Variants in VWC2 observed in about 807,000 individuals in gnomAD.
VWC2 encodes the protein brorin.
In VWC2, 14 loss-of-function variants were observed where a neutral mutation model predicts 29.8. The observed-to-expected ratio is 0.47, with a 90% CI of 0.31 to 0.74. The LOEUF (loss-of-function observed/expected upper bound fraction) is 0.74, where lower values mean the gene tolerates loss of function less well. VWC2 is among the 30% of genes least tolerant of loss of function. The probability of loss-of-function intolerance (pLI) is 0.05; values close to 1 mark genes in which losing one functional copy is unlikely to be tolerated. For synonymous variants in VWC2, 213 were observed against 199.0 expected (o/e 1.07, Z -0.59); for missense variants, 457 against 459.8 (o/e 0.99, Z 0.05).
Position 49,877,481 on chromosome 7 carries a change from A to AAAAATATACAT in VWC2, c.827-34552_827-34551insAAATATACATA. Among the ~76,000 whole-genome samples, 26 of 12,730 alleles carry AAAAATATACAT rather than the reference A, an allele frequency of 2.0e-3. 6 individuals carry two copies. Among genetic ancestry groups the AAAAATATACAT allele is most frequent in the Non-Finnish European group, 3.3e-3 (23 of 6,950 alleles). The allele number at this position is 12,730 out of a possible 152,430, so 8.4% of individuals were successfully genotyped here. ...CTGTCTCAAAAAAAAAAAAAAAAAA[A>AAAAATATACAT]ATATATATATATATATATATATATA... On this transcript the variant is annotated intron_variant, in intron 3 of 3. Transcript: ENST00000340652.
intron 3 of VWC2, among the ~76,000 whole-genome samples, chr7:49,842,647 T>A (rs916689333): frequency 2.6e-5 from 4 of 152,206 alleles, no homozygotes; most frequent in Admixed American, 6.5e-5. Flanking sequence ...ACTTGCAGAA[T>A]AATTGTCTTT....
At chr7:49,865,177 G>C (rs1462065719) in intron 3 of VWC2, among the ~76,000 whole-genome samples, 1 of 152,196 alleles carries the variant, frequency 6.6e-6, no homozygotes, top group Non-Finnish European at 1.5e-5. Context: ...AGGAAGAGGA[G>C]GAAGAGAATG....
intron 3 of VWC2, among the ~76,000 whole-genome samples, chr7:49,881,357 C>CA (rs1378379004): frequency 6.6e-6 from 1 of 151,984 alleles, no homozygotes; most frequent in East Asian, 1.9e-4. Context: ...TTGAGAAATT[C>CA]AAAAAAACAG....
In VWC2 at chr7:49,774,098, C is replaced by T. The variant is rs558754273; in HGVS notation, c.-119C>T. ...CCCGCTGCGAGCCCGGCGTCCGGCC[C>T]GCGCCCTGCGCTCATGTATGTAGGT... On this transcript the variant is annotated 5_prime_UTR_variant, in exon 1 of 4. Coordinates refer to ENST00000340652, the MANE Select transcript of VWC2 (RefSeq NM_198570.5). 1 of 152,278 alleles carries T rather than the reference C, an allele frequency of 6.6e-6. No individual in the cohort carries two copies. Among genetic ancestry groups the T allele is most frequent in the South Asian group, 2.1e-4 (1 of 4,834 alleles). 9.4% of individuals were successfully genotyped at this position (152,278 alleles called of 1,614,324 possible). A position where few individuals can be genotyped will look rare whatever the true frequency, so the allele number is the denominator to read the frequency against.
At chr7:49,875,675 C>A (rs1791388215) in intron 3 of VWC2, among the ~76,000 whole-genome samples, 1 of 152,048 alleles carries the variant, frequency 6.6e-6, no homozygotes, top group African/African-American at 2.4e-5. Flanking sequence ...TCTCACTTTC[C>A]TCCTCTTTGC....
chr7:49,910,705 G>T lies in VWC2; in HGVS notation c.827-1329G>T, dbSNP rs182305692. On this transcript the variant is annotated intron_variant, in intron 3 of 3. Coordinates refer to ENST00000340652, the MANE Select transcript of VWC2 (RefSeq NM_198570.5). ...AAGTGCAGATGTGACACATTTGTTG[G>T]CTGATATATTATAGCTGATATAGAA... Among the ~76,000 whole-genome samples the T allele has an allele frequency of 9.7e-4, 148 of 152,264 alleles. 1 individual carries two copies. The East Asian group carries it at 0.023, about 24-fold the overall frequency.
chr7:49,872,616 G>A (rs1048636703), intron 3 of VWC2, among the ~76,000 whole-genome samples: 1 of 151,702 alleles, frequency 6.6e-6, no homozygotes, highest in Admixed American at 6.6e-5. Flanking sequence ...ATGAAGATCA[G>A]AATTTGGGGC....
At chr7:49,897,524 G>A (rs1032932014) in intron 3 of VWC2, among the ~76,000 whole-genome samples, 8 of 152,196 alleles carry the variant, frequency 5.3e-5, no homozygotes, top group Non-Finnish European at 1.2e-4. Flanking sequence ...AGTCTGGCAT[G>A]TAGAAGCTTG....
chr7:49,789,363 G>A (rs887699842), intron 2 of VWC2, among the ~76,000 whole-genome samples: 4 of 151,806 alleles, frequency 2.6e-5, no homozygotes, highest in Non-Finnish European at 4.4e-5. Context: ...CTGTGTGTGT[G>A]TGTGAGTGTG....
chr7:49,823,605 G>A (rs1052065134), intron 3 of VWC2, among the ~76,000 whole-genome samples: 5 of 152,290 alleles, frequency 3.3e-5, no homozygotes, highest in East Asian at 1.9e-4. Context: ...AGTTGGGTAT[G>A]TGTTTATTAT....
At chr7:49,785,718 T>C (rs988411730) in intron 2 of VWC2, among the ~76,000 whole-genome samples, 1 of 152,180 alleles carries the variant, frequency 6.6e-6, no homozygotes, top group African/African-American at 2.4e-5. Flanking sequence ...AGTAGGAGAA[T>C]ATTTTTAAAT....
intron 3 of VWC2, among the ~76,000 whole-genome samples, chr7:49,887,437 T>C (rs975814325): frequency 1.4e-4 from 21 of 152,246 alleles, no homozygotes; most frequent in Non-Finnish European, 2.9e-4. Context: ...TAAATGTGGT[T>C]ATATAATTGA....
intron 3 of VWC2, among the ~76,000 whole-genome samples, chr7:49,814,435 C>T (rs1789086895): frequency 6.6e-6 from 1 of 152,048 alleles, no homozygotes. Context: ...TGTTTTTTAT[C>T]TCTTCCTGAG....
intron 3 of VWC2, among the ~76,000 whole-genome samples, chr7:49,859,771 T>TA (rs1199174715): frequency 1.3e-5 from 2 of 148,828 alleles, no homozygotes; most frequent in Non-Finnish European, 3.0e-5. Context: ...ACTTGATGTG[T>TA]CTTACAGTGC....
chr7:49,881,156 C>A (rs1332157574), intron 3 of VWC2, among the ~76,000 whole-genome samples: 1 of 152,124 alleles, frequency 6.6e-6, no homozygotes. Context: ...TTGTCCTGAG[C>A]CTTCGGGGCT....
At chr7:49,788,844 G>A (rs1788373784) in intron 2 of VWC2, among the ~76,000 whole-genome samples, 1 of 148,594 alleles carries the variant, frequency 6.7e-6, no homozygotes, top group African/African-American at 2.5e-5. Context: ...ATGAGTGTGT[G>A]TGAGCATGTG....
At chr7:49,834,437 C>T (rs1156731950) in intron 3 of VWC2, among the ~76,000 whole-genome samples, 1 of 152,068 alleles carries the variant, frequency 6.6e-6, no homozygotes, top group Non-Finnish European at 1.5e-5. Flanking sequence ...AGTAGGACTC[C>T]AATTATGTAA....
chr7:49,895,584 T>C (rs1792345503), intron 3 of VWC2, among the ~76,000 whole-genome samples: 1 of 152,176 alleles, frequency 6.6e-6, no homozygotes. Flanking sequence ...AATTTCAAAA[T>C]TAATCATTTT....
At chr7:49,866,798 A>T (rs1790910514) in intron 3 of VWC2, among the ~76,000 whole-genome samples, 1 of 152,108 alleles carries the variant, frequency 6.6e-6, no homozygotes, top group African/African-American at 2.4e-5. Context: ...TATGGCATTT[A>T]GGTTCCTGTA....
Sources: gnomAD v4.1 joint callset for allele counts (sites outside exome capture counted in the v4.1 genomes callset) on GRCh38, gnomAD v4.1.1 for gene constraint, MANE v1.5 for transcripts, NCBI Gene and HGNC (gene_info 2026-07-23, HGNC 2026-07-21) for gene names.